Variants in SLC25A26 observed in about 807,000 individuals in gnomAD.
The protein encoded by SLC25A26 is solute carrier family 25 member 26.
A neutral mutation model predicts 37.8 loss-of-function variants in SLC25A26; 36 were observed. That is an observed-to-expected ratio of 0.95 (90% CI 0.73 to 1.26). SLC25A26 has a LOEUF of 1.26. Ranked by LOEUF, SLC25A26 falls within the 50% of genes most tolerant of loss-of-function variation. SLC25A26 has a pLI of 0.00. For missense variants in SLC25A26, 390 were observed against 331.1 expected, an observed-to-expected ratio of 1.18 and a Z score of -1.38; for synonymous variants, 129 against 122.5, an observed-to-expected ratio of 1.05 and a Z score of -0.35.
At chr3:66,293,776 A>G (rs1011334862) in intron 5 of SLC25A26, among the ~76,000 whole-genome samples, 3 of 152,072 alleles carry the variant, frequency 2.0e-5, no homozygotes, top group Non-Finnish European at 4.4e-5. Context: ...CATTTCCTTT[A>G]TCCAGTGTTT....
rs747102178 is a variant in SLC25A26 at position 66,263,382 on chromosome 3, A to G, written c.453+3A>G. On this transcript the variant is annotated splice_donor_region_variant and intron_variant, in intron 5 of 9. Coordinates refer to ENST00000354883, the MANE Select transcript of SLC25A26 (RefSeq NM_001379210.1). Reference sequence around the variant, plus strand: ...ATAAAAGCACAGTTTTAAGAGAGGTAAGTCACTTACTTTCCAATATTGAAG... The same window carrying G: ...ATAAAAGCACAGTTTTAAGAGAGGTGAGTCACTTACTTTCCAATATTGAAG... 6.2e-7 allele frequency: 1 copy of G among 1,601,534 alleles called. No homozygotes were observed. Among genetic ancestry groups the G allele is most frequent in the South Asian group, 1.1e-5 (1 of 89,894 alleles).
At chr3:66,300,251 G>GTTTTTTTT (rs1309490705) in intron 5 of SLC25A26, among the ~76,000 whole-genome samples, 107 of 111,600 alleles carry the variant, frequency 9.6e-4, no homozygotes, top group Non-Finnish European at 1.6e-3. Context: ...GGGTTTTTTT[G>GTTTTTTTT]TTTTGTTTTT....
chr3:66,139,769 T>A (rs2070006867), intron 1 of SLC25A26, among the ~76,000 whole-genome samples: 1 of 152,194 alleles, frequency 6.6e-6, no homozygotes, highest in Non-Finnish European at 1.5e-5. Context: ...TCTACTTGAG[T>A]TACTTCTTTC....
chr3:66,292,111 A>G (rs978484491), intron 5 of SLC25A26, among the ~76,000 whole-genome samples: 3 of 152,170 alleles, frequency 2.0e-5, no homozygotes, highest in African/African-American at 7.2e-5. Flanking sequence ...GTCAGAGACT[A>G]GGATTGCAAC....
At chr3:66,200,863 G>A (rs2071099532) in intron 1 of SLC25A26, among the ~76,000 whole-genome samples, 1 of 152,152 alleles carries the variant, frequency 6.6e-6, no homozygotes, top group Non-Finnish European at 1.5e-5. Flanking sequence ...CCGAGAAAAT[G>A]CCACTGAACT....
At position 66,369,636 on chromosome 3, in the gene SLC25A26, C is replaced by A. The variant is rs1186817942; in HGVS notation, c.633+94C>A. Reference sequence around the variant, plus strand: ...GTATAAAGTGAACACAAATGGCTACCATTTACCTGTAATAGCATCTTATGC... The same window carrying A: ...GTATAAAGTGAACACAAATGGCTACAATTTACCTGTAATAGCATCTTATGC... On this transcript the variant is annotated intron_variant, in intron 8 of 9. Transcript: ENST00000354883. 9.3e-6 allele frequency: 10 copies of A among 1,080,272 alleles called. No individual in the cohort carries two copies. The African/African-American group carries it at 1.6e-4, about 17-fold the overall frequency. The allele number at this position is 1,080,272 out of a possible 1,614,324, so 66.9% of individuals were successfully genotyped here.
chr3:66,252,054 G>A (rs969409375), intron 3 of SLC25A26, among the ~76,000 whole-genome samples: 1 of 152,176 alleles, frequency 6.6e-6, no homozygotes, highest in Non-Finnish European at 1.5e-5. Flanking sequence ...CCACAGGAGT[G>A]TAACTTGGTC....
Position 66,201,166 on chromosome 3 carries a change from G to GT in SLC25A26, c.-353-19574dup, listed in dbSNP as rs1366268296. Reference sequence around the variant, plus strand: ...GACCAGTAAGAAATGAGGCAAATAAGTTAAGAAATTAGGACAAAGGAAAAG... The same window carrying GT: ...GACCAGTAAGAAATGAGGCAAATAAGTTTAAGAAATTAGGACAAAGGAAAAG... On this transcript the variant is annotated intron_variant, in intron 1 of 10. Transcript: ENST00000676754. Among the ~76,000 whole-genome samples the GT allele has an allele frequency of 7.3e-3, 1,115 of 151,892 alleles. 14 individuals carry two copies. The highest frequency in any genetic ancestry group is 0.023 in the African/African-American group (954 of 41,406).
chr3:66,359,055 A>G (rs367600060), intron 6 of SLC25A26, among the ~76,000 whole-genome samples: 47 of 152,334 alleles, frequency 3.1e-4, no homozygotes, highest in African/African-American at 1.1e-3. Context: ...CATGTCAAAT[A>G]CCAAATTATT....
At chr3:66,183,610 C>T (rs953318142) in intron 1 of SLC25A26, among the ~76,000 whole-genome samples, 2 of 152,034 alleles carry the variant, frequency 1.3e-5, no homozygotes, top group Non-Finnish European at 2.9e-5. Flanking sequence ...CCTTAATCCT[C>T]ACCATGACAT....
At chr3:66,357,129 G>A (rs541314935) in intron 6 of SLC25A26, among the ~76,000 whole-genome samples, 77 of 151,998 alleles carry the variant, frequency 5.1e-4, no homozygotes, top group Middle Eastern at 6.8e-3. Flanking sequence ...TGTAACCATA[G>A]ATTCATGTGA....
rs894371203 is a variant in SLC25A26 at position 66,203,119 on chromosome 3, A to C, written c.-353-17623A>C. ...GTTCTGGCTGGGTGCAGTGGCTAACACCTGTAATCCCAACACTTTGGGAGG... is the reference window on the plus strand; with the variant it reads ...GTTCTGGCTGGGTGCAGTGGCTAACCCCTGTAATCCCAACACTTTGGGAGG... On this transcript the variant is annotated intron_variant, in intron 1 of 10. Transcript: ENST00000676754. Among the ~76,000 whole-genome samples the C allele has an allele frequency of 1.3e-4, 20 of 152,226 alleles. No homozygotes were observed. The East Asian group carries it at 3.3e-3, about 25-fold the overall frequency.
chr3:66,358,952 G>A (rs765783916), intron 6 of SLC25A26, among the ~76,000 whole-genome samples: 2 of 152,158 alleles, frequency 1.3e-5, no homozygotes, highest in Admixed American at 6.5e-5. Context: ...CATTCTTTAC[G>A]TCATGCTTTG....
At chr3:66,185,189 A>G (rs1480281257) in intron 1 of SLC25A26, among the ~76,000 whole-genome samples, 4 of 152,214 alleles carry the variant, frequency 2.6e-5, no homozygotes, top group African/African-American at 9.6e-5. Flanking sequence ...ATCTAAGTAT[A>G]TAGGTGGAAT....
At chr3:66,149,450 T>C (rs1269096361) in intron 1 of SLC25A26, among the ~76,000 whole-genome samples, 2 of 152,218 alleles carry the variant, frequency 1.3e-5, no homozygotes, top group African/African-American at 4.8e-5. Context: ...CAAATTTTCT[T>C]TGCCTCATAT....
intron 5 of SLC25A26, among the ~76,000 whole-genome samples, chr3:66,273,375 C>T (rs559776593): frequency 2.3e-4 from 35 of 151,910 alleles, no homozygotes; most frequent in African/African-American, 8.2e-4. Context: ...GGTACCAGTT[C>T]CTCCTTGTAC....
chr3:66,208,983 T>TAC (rs1184787642), intron 1 of SLC25A26, among the ~76,000 whole-genome samples: 2 of 124,126 alleles, frequency 1.6e-5, no homozygotes, highest in Non-Finnish European at 3.3e-5. Flanking sequence ...TGTATATATA[T>TAC]ATATATTTAT....
chr3:66,137,995 A>G (rs1354230291), intron 1 of SLC25A26, among the ~76,000 whole-genome samples: 2 of 151,702 alleles, frequency 1.3e-5, no homozygotes, highest in Non-Finnish European at 2.9e-5. Context: ...TACCACACCC[A>G]GCTAATTTTT....
At chr3:66,260,623 A>G (rs2073489526) in intron 3 of SLC25A26, among the ~76,000 whole-genome samples, 2 of 152,192 alleles carry the variant, frequency 1.3e-5, no homozygotes, top group Admixed American at 6.5e-5. Flanking sequence ...AAATCACATC[A>G]CATGGTGTCT....
Sources: allele counts gnomAD v4.1 joint callset (sites outside exome capture counted in the v4.1 genomes callset), GRCh38; gene constraint gnomAD v4.1.1; transcripts MANE v1.5; gene names NCBI Gene and HGNC (gene_info 2026-07-23, HGNC 2026-07-21).